The following TRIP12 variants were observed in gnomAD, a reference collection of about 807,000 sequenced individuals.
The protein encoded by TRIP12 is thyroid hormone receptor interactor 12.
A neutral mutation model predicts 244.2 loss-of-function variants in TRIP12; 25 were observed. The observed-to-expected ratio is 0.10, with a 90% CI of 0.07 to 0.14. The LOEUF is 0.14. Ranked by LOEUF, TRIP12 falls within the 10% of genes least tolerant of loss-of-function variation. The probability of loss-of-function intolerance (pLI) is 1.00; values close to 1 mark genes in which losing one functional copy is unlikely to be tolerated. For synonymous variants in TRIP12, 905 were observed against 873.1 expected (o/e 1.04, Z -0.64); for missense variants, 1,677 against 2,486.4 (o/e 0.67, Z 6.92).
In TRIP12 at chr2:229,792,017, A is replaced by G. The variant is rs1162842545; in HGVS notation, c.4264T>C (p.Tyr1422His). The G allele has an allele frequency of 1.2e-6, 2 of 1,614,132 alleles. No individual in the cohort carries two copies. Among genetic ancestry groups the G allele is most frequent in the Admixed American group, 3.3e-5 (2 of 60,026 alleles). ...TACGGCAGCAAATGTTCTCCAATAT[A>G]AAACTGCAGCCTGTGTCTTACATTT... ...SGNVRHRLQF[Y>H]IGEHLLPYNM... The change falls in exon 29 of 42, where the codon TAT (tyrosine) becomes CAT (histidine). Residue 1422 changes from tyrosine to histidine, a missense_variant. This residue lies in a region of TRIP12 where 265 missense variants were observed against 370.8 expected (regional missense o/e 0.71). Coordinates refer to ENST00000675903, the MANE Select transcript of TRIP12 (RefSeq NM_001348323.3).
intron 6 of TRIP12, among the ~76,000 whole-genome samples, chr2:229,835,682 T>C (rs2054622539): frequency 1.3e-5 from 2 of 152,240 alleles, no homozygotes; most frequent in Non-Finnish European, 2.9e-5. Context: ...GTGTACACTG[T>C]ATATTAGTTA....
Position 229,764,235 on chromosome 2 carries a change from G to C in TRIP12, c.*3319C>G, listed in dbSNP as rs1469446669. 6.6e-6 allele frequency: 1 copy of C among 152,006 alleles called. No homozygotes were observed. Among genetic ancestry groups the C allele is most frequent in the Non-Finnish European group, 1.5e-5 (1 of 68,016 alleles). 9.4% of individuals were successfully genotyped at this position (152,006 alleles called of 1,614,324 possible). On this transcript the variant is annotated 3_prime_UTR_variant, in exon 42 of 42. Transcript: ENST00000675903. The stretch of plus-strand genomic sequence containing the variant: ...AGGTAACAAAGGAAGCATCTTCAGT[G>C]ATTTGTCACTAGGTTATCCTTTACC...
chr2:229,830,968 T>C (rs895903281), intron 6 of TRIP12, 129 bp from the exon 7 acceptor site: 5 of 725,848 alleles, frequency 6.9e-6, no homozygotes, highest in Admixed American at 2.4e-5. Context: ...CTTGCTACTG[T>C]ACACTCAGCT....
intron 1 of TRIP12, among the ~76,000 whole-genome samples, chr2:229,892,522 G>A (rs565619183): frequency 2.0e-5 from 3 of 152,214 alleles, no homozygotes; most frequent in Admixed American, 1.3e-4. Context: ...AAATCATTAT[G>A]CCTTTCAGAG....
chr2:229,889,643 T>A (rs1434773922), intron 1 of TRIP12, among the ~76,000 whole-genome samples: 2 of 152,198 alleles, frequency 1.3e-5, no homozygotes, highest in Non-Finnish European at 2.9e-5. Flanking sequence ...GACTAGATAG[T>A]CTCTAAAATC....
At chr2:229,792,317 G>T in intron 27 of TRIP12, 91 bp from the exon 28 acceptor site, 1 of 1,229,200 alleles carries the variant, frequency 8.1e-7, no homozygotes, top group Non-Finnish European at 1.2e-6. Flanking sequence ...CATATTCTTA[G>T]AAAACACATA....
At chr2:229,869,010 T>G (rs2062041793) in intron 2 of TRIP12, among the ~76,000 whole-genome samples, 1 of 152,194 alleles carries the variant, frequency 6.6e-6, no homozygotes, top group African/African-American at 2.4e-5. Flanking sequence ...AGAGTACAGT[T>G]CACCATATTC....
chr2:229,903,780 C>T (rs1228847683), intron 1 of TRIP12, among the ~76,000 whole-genome samples: 1 of 151,366 alleles, frequency 6.6e-6, no homozygotes, highest in African/African-American at 2.4e-5. Flanking sequence ...CTTTGGGATG[C>T]CAAAGCAGAC....
At chr2:229,910,256 G>A (rs2074003579) in intron 1 of TRIP12, among the ~76,000 whole-genome samples, 1 of 152,066 alleles carries the variant, frequency 6.6e-6, no homozygotes, top group South Asian at 2.1e-4. Flanking sequence ...AAACTCAGCA[G>A]GAATCATGAA....
intron 2 of TRIP12, among the ~76,000 whole-genome samples, chr2:229,865,884 C>T (rs756205129): frequency 2.7e-4 from 41 of 152,106 alleles, no homozygotes; most frequent in Non-Finnish European, 5.6e-4. Flanking sequence ...ATCAATGTTC[C>T]TATCTTTAGT....
chr2:229,778,544 C>T lies in TRIP12; in HGVS notation c.5253G>A (p.Leu1751=), dbSNP rs769241893. The part of the protein sequence containing the change: ...GTKYIQNLQG[L]FALPFGRTAK... Reference sequence around the variant, plus strand: ...CTGTCCTACCAAAGGGAAGCGCAAACAGGCCCTGGAGGTTTTGAATATACT... The same window carrying T: ...CTGTCCTACCAAAGGGAAGCGCAAATAGGCCCTGGAGGTTTTGAATATACT... Residue 1751 remains leucine, a synonymous_variant, in exon 36 of 42, where the codon CTG becomes CTA. Coordinates refer to ENST00000675903, the MANE Select transcript of TRIP12 (RefSeq NM_001348323.3). This position sits in a 1 kb window ranked among gnomAD's most constrained non-coding sequence, Gnocchi z 4.1. 6 of 1,613,942 alleles carry T rather than the reference C, an allele frequency of 3.7e-6. No homozygotes were observed. The South Asian group carries it at 5.5e-5, about 15-fold the overall frequency.
At chr2:229,878,668 C>T (rs1356424843) in intron 2 of TRIP12, among the ~76,000 whole-genome samples, 2 of 151,052 alleles carry the variant, frequency 1.3e-5, no homozygotes, top group Admixed American at 1.3e-4. Flanking sequence ...GCAAGCTCCG[C>T]CTCCCGGGTT....
intron 7 of TRIP12, among the ~76,000 whole-genome samples, chr2:229,830,021 G>A (rs978504315): frequency 6.6e-6 from 1 of 152,046 alleles, no homozygotes; most frequent in African/African-American, 2.4e-5. Flanking sequence ...TGTTCCCTCA[G>A]GAATTTAAAA....
intron 4 of TRIP12, among the ~76,000 whole-genome samples, chr2:229,852,540 CTACT>C (rs1468038615): frequency 6.6e-6 from 1 of 152,108 alleles, no homozygotes; most frequent in Non-Finnish European, 1.5e-5. Flanking sequence ...GCAAAAATGT[CTACT>C]TACTTAGGCT....
chr2:229,866,310 G>A (rs2061500606), intron 2 of TRIP12, among the ~76,000 whole-genome samples: 1 of 152,168 alleles, frequency 6.6e-6, no homozygotes, highest in South Asian at 2.1e-4. Flanking sequence ...TGATGAAAAT[G>A]CTGCTTATGG....
At chr2:229,845,098 T>A (rs893425915) in intron 4 of TRIP12, among the ~76,000 whole-genome samples, 1 of 152,076 alleles carries the variant, frequency 6.6e-6, no homozygotes, top group Non-Finnish European at 1.5e-5. Context: ...TATAAATGAG[T>A]AGATATTATC....
intron 2 of TRIP12, among the ~76,000 whole-genome samples, chr2:229,864,127 T>C (rs1296015524): frequency 1.3e-5 from 2 of 151,380 alleles, no homozygotes; most frequent in African/African-American, 2.4e-5. Context: ...TAACAACATA[T>C]GGGTATTCCT....
upstream of TRIP12, chr2:229,922,253 G>A: frequency 4.0e-6 from 2 of 496,690 alleles, no homozygotes; most frequent in Non-Finnish European, 7.3e-6. Context: ...AGATCTACTT[G>A]GTATCCCTCC....
intron 1 of TRIP12, among the ~76,000 whole-genome samples, chr2:229,910,054 C>A (rs924058433): frequency 1.3e-5 from 2 of 152,140 alleles, no homozygotes; most frequent in Non-Finnish European, 2.9e-5. Flanking sequence ...TTTCCTTGAG[C>A]CATGATTCTA....
Sources: allele counts gnomAD v4.1 joint callset (sites outside exome capture counted in the v4.1 genomes callset), GRCh38; gene constraint gnomAD v4.1.1; regional missense constraint gnomAD v4.1.1; non-coding constraint Gnocchi (gnomAD v3.1); transcripts MANE v1.5; gene names NCBI Gene and HGNC (gene_info 2026-07-23, HGNC 2026-07-21).